DNER: variants seen among roughly 807,000 people sequenced by gnomAD.
DNER encodes delta/notch like EGF repeat containing.
Under a neutral mutation model 78.2 loss-of-function variants are expected in DNER, and 33 were observed. The ratio of observed to expected loss-of-function variants is 0.42; its 90% CI spans 0.32 to 0.56. The LOEUF (loss-of-function observed/expected upper bound fraction) is 0.56, where lower values mean the gene tolerates loss of function less well. Among genes scored for constraint, DNER ranks in the 20% least tolerant of loss-of-function variants. DNER has a pLI of 0.11. For missense variants in DNER, 918 were observed against 975.3 expected (o/e 0.94, Z 0.78); for synonymous variants, 417 against 384.8 (o/e 1.08, Z -0.98).
At chr2:229,413,306 TTTCTTTTTC>T (rs1693564171) in intron 9 of DNER, among the ~76,000 whole-genome samples, 2 of 131,372 alleles carry the variant, frequency 1.5e-5, no homozygotes, top group Admixed American at 1.9e-4. Flanking sequence ...TGCTTTTCTT[TTTCTTTTTC>T]TTCTTCTTTT....
At chr2:229,662,557 G>A (rs1025794212) in intron 1 of DNER, among the ~76,000 whole-genome samples, 3 of 152,294 alleles carry the variant, frequency 2.0e-5, no homozygotes, top group Middle Eastern at 3.4e-3. Context: ...CAAGGGCCAC[G>A]CTTTCAACCA....
chr2:229,510,987 C>G (rs1206809539), intron 6 of DNER, among the ~76,000 whole-genome samples: 2 of 152,062 alleles, frequency 1.3e-5, no homozygotes, highest in Non-Finnish European at 2.9e-5. Context: ...TACACACACT[C>G]TGACCTACAC....
intron 1 of DNER, among the ~76,000 whole-genome samples, chr2:229,638,847 C>T (rs1210128748): frequency 6.6e-6 from 1 of 152,192 alleles, no homozygotes; most frequent in Non-Finnish European, 1.5e-5. Context: ...GTAAAACCCA[C>T]CTCACAGATT....
chr2:229,538,187 G>C (rs1036084592), intron 5 of DNER, among the ~76,000 whole-genome samples: 9 of 152,122 alleles, frequency 5.9e-5, no homozygotes, highest in Admixed American at 3.3e-4. Flanking sequence ...CCACAAAGCA[G>C]TTTCTGCAAG....
chr2:229,530,704 T>C (rs1696285237), intron 5 of DNER, among the ~76,000 whole-genome samples: 1 of 152,230 alleles, frequency 6.6e-6, no homozygotes, highest in Non-Finnish European at 1.5e-5. Flanking sequence ...AAATATCCTA[T>C]TTAACCACAG....
Position 229,385,045 on chromosome 2 carries a change from C to G in DNER, c.1855+3220G>C, listed in dbSNP as rs968817191. Among the ~76,000 whole-genome samples, 5 of 147,718 alleles carry G rather than the reference C, an allele frequency of 3.4e-5. No individual in the cohort carries two copies. The East Asian group carries it at 8.0e-4, about 24-fold the overall frequency. On this transcript the variant is annotated intron_variant, in intron 11 of 12. Coordinates refer to ENST00000341772, the MANE Select transcript of DNER (RefSeq NM_139072.4). Reference sequence around the variant, plus strand: ...TGGCACACCGAATCCAGTAGCACATCAAAAAGCTTATCCACCACTGTACTC... The same window carrying G: ...TGGCACACCGAATCCAGTAGCACATGAAAAAGCTTATCCACCACTGTACTC...
intron 1 of DNER, among the ~76,000 whole-genome samples, chr2:229,682,938 G>T (rs1699411503): frequency 6.6e-6 from 1 of 152,174 alleles, no homozygotes; most frequent in South Asian, 2.1e-4. Context: ...AAGGGTTATT[G>T]CTTTCAACAA....
chr2:229,365,012 C>T (rs1229104910), intron 12 of DNER, among the ~76,000 whole-genome samples: 1 of 151,844 alleles, frequency 6.6e-6, no homozygotes, highest in Non-Finnish European at 1.5e-5. Context: ...TTTGTCGTTG[C>T]TGTTATGATA....
intron 4 of DNER, among the ~76,000 whole-genome samples, chr2:229,575,593 T>G (rs1473220233): frequency 6.6e-6 from 1 of 152,156 alleles, no homozygotes; most frequent in Admixed American, 6.5e-5. Flanking sequence ...AGGGACAGTC[T>G]TGGTAGGAAG....
At position 229,384,194 on chromosome 2, in the gene DNER, T is replaced by C. The variant is rs182232353; in HGVS notation, c.1855+4071A>G. Among the ~76,000 whole-genome samples the C allele has an allele frequency of 5.8e-4, 89 of 152,144 alleles. 1 individual carries two copies. Among genetic ancestry groups the C allele is most frequent in the African/African-American group, 2.1e-3 (88 of 41,540 alleles). ...ATAACGAAATTAATGCAGAAATAAA[T>C]AAGTTATTTGAAATCAATGAGAACA... On this transcript the variant is annotated intron_variant, in intron 11 of 12. Transcript: ENST00000341772.
rs73103765 is a variant in DNER at position 229,495,172 on chromosome 2, C to T, written c.1147+17611G>A. ...GAGTAGTCAACAGGATCCAGCCTTTCAACACTTTGCTTGGAAATCTATTCA... is the reference window on the plus strand; with the variant it reads ...GAGTAGTCAACAGGATCCAGCCTTTTAACACTTTGCTTGGAAATCTATTCA... On this transcript the variant is annotated intron_variant, in intron 6 of 12. Coordinates refer to ENST00000341772, the MANE Select transcript of DNER (RefSeq NM_139072.4). 1.6e-3 allele frequency among the ~76,000 whole-genome samples: 248 copies of T among 152,330 alleles called. 1 individual carries two copies. Among genetic ancestry groups the T allele is most frequent in the African/African-American group, 5.7e-3 (237 of 41,576 alleles).
intron 11 of DNER, among the ~76,000 whole-genome samples, chr2:229,368,332 C>T (rs1692398499): frequency 6.6e-6 from 1 of 152,176 alleles, no homozygotes; most frequent in Non-Finnish European, 1.5e-5. Context: ...CAACACACTC[C>T]AGTCTGGGCA....
At chr2:229,467,015 T>A (rs1694819761) in intron 7 of DNER, among the ~76,000 whole-genome samples, 1 of 152,098 alleles carries the variant, frequency 6.6e-6, no homozygotes, top group Non-Finnish European at 1.5e-5. Context: ...CGAAAATGAT[T>A]TAAAGTGCGG....
intron 1 of DNER, among the ~76,000 whole-genome samples, chr2:229,625,882 C>G (rs1195275976): frequency 1.4e-5 from 1 of 69,104 alleles, no homozygotes; most frequent in African/African-American, 4.8e-5. Flanking sequence ...TACTATGCAA[C>G]TTTGTTTTTG....
intron 10 of DNER, among the ~76,000 whole-genome samples, chr2:229,392,835 T>G (rs1381848648): frequency 2.0e-5 from 3 of 152,120 alleles, no homozygotes; most frequent in Non-Finnish European, 2.9e-5. Flanking sequence ...AAAAGTCCAT[T>G]ACTTTTTTTA....
At chr2:229,484,012 C>T (rs926151887) in intron 6 of DNER, among the ~76,000 whole-genome samples, 5 of 152,056 alleles carry the variant, frequency 3.3e-5, no homozygotes, top group African/African-American at 9.7e-5. Flanking sequence ...GGTTTCCTTC[C>T]GAGAACATAA....
At chr2:229,560,625 G>T (rs1043552511) in intron 4 of DNER, among the ~76,000 whole-genome samples, 1 of 152,112 alleles carries the variant, frequency 6.6e-6, no homozygotes, top group Non-Finnish European at 1.5e-5. Flanking sequence ...CTAATAAGCC[G>T]GTCAGGATCC....
intron 6 of DNER, among the ~76,000 whole-genome samples, chr2:229,510,742 TG>T (rs1695850047): frequency 6.6e-6 from 1 of 152,116 alleles, no homozygotes; most frequent in Non-Finnish European, 1.5e-5. Context: ...GGAGATGCCA[TG>T]TAGGCTGTCA....
intron 1 of DNER, among the ~76,000 whole-genome samples, chr2:229,648,472 C>A (rs1574942681): frequency 6.6e-6 from 1 of 152,174 alleles, no homozygotes; most frequent in Admixed American, 6.5e-5. Flanking sequence ...TTTCTCTTTG[C>A]AGAGCTTTTG....
Sources: gnomAD v4.1 joint callset for allele counts (sites outside exome capture counted in the v4.1 genomes callset) on GRCh38, gnomAD v4.1.1 for gene constraint, MANE v1.5 for transcripts, NCBI Gene and HGNC (gene_info 2026-07-23, HGNC 2026-07-21) for gene names.